Variants in CACNB2 observed in about 807,000 individuals in gnomAD.
CACNB2 encodes calcium voltage-gated channel auxiliary subunit beta 2, also known as voltage-dependent L-type calcium channel subunit beta-2.
In CACNB2, 42 loss-of-function variants were observed where a neutral mutation model predicts 73.3. The observed-to-expected ratio is 0.57, with a 90% CI of 0.45 to 0.74. CACNB2 has a LOEUF of 0.74. CACNB2 is among the 30% of genes least tolerant of loss of function. The pLI, the probability that CACNB2 is intolerant of heterozygous loss-of-function variation, is 0.00. For synonymous variants in CACNB2, 348 were observed against 310.3 expected (o/e 1.12, Z -1.28); for missense variants, 940 against 853.0 (o/e 1.10, Z -1.27).
At chr10:18,260,124 TATC>T (rs1352512712) in intron 2 of CACNB2, among the ~76,000 whole-genome samples, 1 of 152,178 alleles carries the variant, frequency 6.6e-6, no homozygotes, top group African/African-American at 2.4e-5. Flanking sequence ...GAATGGCTGA[TATC>T]ATACCAATGA....
At chr10:18,405,445 G>A (rs183474254) in intron 3 of CACNB2, among the ~76,000 whole-genome samples, 6 of 152,236 alleles carry the variant, frequency 3.9e-5, no homozygotes, top group East Asian at 3.9e-4. Flanking sequence ...ATGCTGTTAC[G>A]AACATTCCTG....
chr10:18,532,634 A>C (rs2053145312), intron 10 of CACNB2, among the ~76,000 whole-genome samples: 2 of 143,006 alleles, frequency 1.4e-5, no homozygotes, highest in South Asian at 4.6e-4. Context: ...CCGAGACTGC[A>C]CCACTGCACT....
intron 2 of CACNB2, among the ~76,000 whole-genome samples, chr10:18,267,536 G>T (rs1460534076): frequency 1.3e-5 from 2 of 152,144 alleles, no homozygotes; most frequent in African/African-American, 2.4e-5. Context: ...AACCCAGGAG[G>T]TGGAGGTTGC....
intron 2 of CACNB2, among the ~76,000 whole-genome samples, chr10:18,357,520 T>A (rs548811081): frequency 6.6e-6 from 1 of 152,200 alleles, no homozygotes; most frequent in Non-Finnish European, 1.5e-5. Flanking sequence ...GGTGTGCGGC[T>A]ATTAAAGACA....
intron 3 of CACNB2, among the ~76,000 whole-genome samples, chr10:18,484,465 T>G (rs1450873575): frequency 6.6e-6 from 1 of 151,294 alleles, no homozygotes; most frequent in African/African-American, 2.4e-5. Context: ...GTGAGTGAAG[T>G]GTAACTGATA....
At chr10:18,510,426 C>T (rs1369945566) in intron 6 of CACNB2, among the ~76,000 whole-genome samples, 7 of 152,128 alleles carry the variant, frequency 4.6e-5, no homozygotes, top group African/African-American at 1.7e-4. Flanking sequence ...CCTCAGCGTC[C>T]CAAGTAGCTG....
At chr10:18,315,499 T>TAAAAAAAAAA (rs756721525) in intron 2 of CACNB2, among the ~76,000 whole-genome samples, 1 of 39,520 alleles carries the variant, frequency 2.5e-5, no homozygotes, top group Non-Finnish European at 4.3e-5. Flanking sequence ...TGTCTCTATT[T>TAAAAAAAAAA]AAAAAAAAAA....
At chr10:18,508,122 C>A (rs1424089124) in intron 6 of CACNB2, among the ~76,000 whole-genome samples, 2 of 152,026 alleles carry the variant, frequency 1.3e-5, no homozygotes, top group African/African-American at 4.8e-5. Context: ...CAATTCAAAC[C>A]ATTGTTCTGT....
At chr10:18,374,620 T>C (rs1008644902) in intron 2 of CACNB2, among the ~76,000 whole-genome samples, 31 of 152,188 alleles carry the variant, frequency 2.0e-4, no homozygotes, top group Non-Finnish European at 4.4e-5. Flanking sequence ...TGGTGTAATC[T>C]GAATAATCTT....
At chr10:18,526,029 C>T (rs1035847640) in intron 9 of CACNB2, among the ~76,000 whole-genome samples, 2 of 152,114 alleles carry the variant, frequency 1.3e-5, no homozygotes, top group Non-Finnish European at 2.9e-5. Flanking sequence ...CTGAAGATGC[C>T]TGACAAACTG....
In CACNB2 at chr10:18,183,665, A is replaced by G. The variant is rs575834635; in HGVS notation, c.213+32690A>G. The stretch of plus-strand genomic sequence containing the variant: ...CACCCCCATGATTCAGTCATCTCCC[A>G]CTGGGTCCCTCCCATGACATGCAGG... On this transcript the variant is annotated intron_variant, in intron 2 of 13. Coordinates refer to ENST00000324631, the MANE Select transcript of CACNB2 (RefSeq NM_201596.3). Among the ~76,000 whole-genome samples, 4 of 152,282 alleles carry G rather than the reference A, an allele frequency of 2.6e-5. No homozygotes were observed. In the East Asian group the frequency reaches 7.7e-4, roughly 29 times the overall value.
At chr10:18,266,976 T>C (rs1015168199) in intron 2 of CACNB2, among the ~76,000 whole-genome samples, 2 of 152,158 alleles carry the variant, frequency 1.3e-5, no homozygotes, top group African/African-American at 4.8e-5. Context: ...GGCATGTGTG[T>C]ATGTATGTGT....
At chr10:18,179,686 A>G (rs2033778853) in intron 2 of CACNB2, among the ~76,000 whole-genome samples, 1 of 151,640 alleles carries the variant, frequency 6.6e-6, no homozygotes, top group South Asian at 2.1e-4. Context: ...AACTTTTTGT[A>G]TGATGCCTGA....
intron 3 of CACNB2, among the ~76,000 whole-genome samples, chr10:18,446,196 G>A (rs958131103): frequency 1.3e-5 from 2 of 152,170 alleles, no homozygotes; most frequent in African/African-American, 4.8e-5. Context: ...TTTGGATGAA[G>A]CATGAAGCAC....
chr10:18,283,934 A>G (rs1353009881), intron 2 of CACNB2, among the ~76,000 whole-genome samples: 1 of 152,210 alleles, frequency 6.6e-6, no homozygotes, highest in Non-Finnish European at 1.5e-5. Context: ...TGACAATGTC[A>G]TGGACAACTT....
chr10:18,428,699 A>G (rs1333691477), intron 3 of CACNB2, among the ~76,000 whole-genome samples: 1 of 151,068 alleles, frequency 6.6e-6, no homozygotes, highest in Non-Finnish European at 1.5e-5. Context: ...AAAAAAAAAA[A>G]AAAAAAAGGA....
chr10:18,398,921 T>C (rs138610225), intron 2 of CACNB2, among the ~76,000 whole-genome samples: 147 of 152,310 alleles, frequency 9.7e-4, no homozygotes, highest in African/African-American at 3.3e-3. Context: ...AAAGTGACTA[T>C]GCAATGTAAA....
rs1306731332 is a variant in CACNB2 at position 18,532,658 on chromosome 10, CAGAG to C, written c.1055-1412_1055-1409del. On this transcript the variant is annotated intron_variant, in intron 10 of 13. Transcript: ENST00000324631. ...CACCACTGCACTCCAGCCTGGGAGA[CAGAG>C]AGAGACTCTGTCTCAAAAAAAAAAA... is the stretch of plus-strand genomic sequence containing the variant. Among the ~76,000 whole-genome samples the C allele has an allele frequency of 7.6e-5, 9 of 117,988 alleles. No individual in the cohort carries two copies. The South Asian group carries it at 2.4e-3, about 32-fold the overall frequency. 77.4% of individuals were successfully genotyped at this position (117,988 alleles called of 152,430 possible). A position where few individuals can be genotyped will look rare whatever the true frequency, so the allele number is the denominator to read the frequency against.
chr10:18,498,507 CATG>C (rs760067059), intron 4 of CACNB2, 30 bp downstream of exon 4: 1 of 1,610,162 alleles, frequency 6.2e-7, no homozygotes, highest in African/African-American at 1.3e-5. Flanking sequence ...TTTCTAACAG[CATG>C]ATGTTTCACC....
Sources: gnomAD v4.1 joint callset for allele counts (sites outside exome capture counted in the v4.1 genomes callset) on GRCh38, gnomAD v4.1.1 for gene constraint, MANE v1.5 for transcripts, NCBI Gene and HGNC (gene_info 2026-07-23, HGNC 2026-07-21) for gene names.